The following IGF2BP1 variants were observed in gnomAD, a reference collection of about 807,000 sequenced individuals.
IGF2BP1 encodes the protein insulin like growth factor 2 mRNA binding protein 1.
IGF2BP1 carries 11 observed loss-of-function variants against 74.9 expected under a neutral mutation model. That is an observed-to-expected ratio of 0.15 (90% CI 0.09 to 0.24). IGF2BP1 has a LOEUF of 0.24. IGF2BP1 is among the 10% of genes least tolerant of loss of function. The pLI, the probability that IGF2BP1 is intolerant of heterozygous loss-of-function variation, is 1.00. For missense variants in IGF2BP1, 440 were observed against 757.4 expected (o/e 0.58, Z 4.92); for synonymous variants, 287 against 281.8 (o/e 1.02, Z -0.18).
chr17:49,024,326 A>ATCAC (rs1223945358), intron 2 of IGF2BP1, among the ~76,000 whole-genome samples: 3 of 151,992 alleles, frequency 2.0e-5, no homozygotes, highest in African/African-American at 7.3e-5. Context: ...AGCTGGGAGG[A>ATCAC]TCACTCGATC....
At position 48,997,729 on chromosome 17, in the gene IGF2BP1, G is replaced by A. The variant is rs1488502562; in HGVS notation, c.-17G>A. ...TCGGCCTTGCCCGGGACCGCGTCCT[G>A]CCCCGAGACCGCCACCATGAACAAG... On this transcript the variant is annotated 5_prime_UTR_variant, in exon 1 of 15. Coordinates refer to ENST00000290341, the MANE Select transcript of IGF2BP1 (RefSeq NM_006546.4). This position sits in a 1 kb window ranked among gnomAD's most constrained non-coding sequence, Gnocchi z 4.8. 6.2e-7 allele frequency: 1 copy of A among 1,610,346 alleles called. No individual in the cohort carries two copies. Among genetic ancestry groups the A allele is most frequent in the Admixed American group, 1.7e-5 (1 of 59,778 alleles).
intron 2 of IGF2BP1, chr17:49,004,729 C>G (rs752236652): frequency 6.6e-6 from 1 of 152,146 alleles, no homozygotes; most frequent in Non-Finnish European, 1.5e-5. Context: ...AGCCAGTCTT[C>G]GACTCCATGT....
In IGF2BP1 at chr17:49,025,311, AAAGTGTGT is replaced by A. The variant is rs1459879111; in HGVS notation, c.237-306_237-299del. ...GGAATGAGAAAGTGGTGGGACAAAC[AAAGTGTGT>A]GTGTGTGTGTGTGTGTGTGTGTGTG... On this transcript the variant is annotated intron_variant, in intron 2 of 14. Transcript: ENST00000290341. 7.1e-4 allele frequency among the ~76,000 whole-genome samples: 77 copies of A among 108,818 alleles called. No homozygotes were observed. The South Asian group carries it at 0.011, about 16-fold the overall frequency. 71.4% of individuals were successfully genotyped at this position (108,818 alleles called of 152,430 possible).
chr17:49,024,479 G>T (rs1348744232), intron 2 of IGF2BP1, among the ~76,000 whole-genome samples: 1 of 152,102 alleles, frequency 6.6e-6, no homozygotes, highest in African/African-American at 2.4e-5. Flanking sequence ...AGAGGGGAAG[G>T]TAGTGGCATT....
In IGF2BP1 at chr17:49,021,520, G is replaced by A. The variant is rs1042948283; in HGVS notation, c.237-4098G>A. Among the ~76,000 whole-genome samples the A allele has an allele frequency of 3.9e-5, 6 of 151,992 alleles. No individual in the cohort carries two copies. In the East Asian group the frequency reaches 9.6e-4, roughly 24 times the overall value. ...GGCAAGCTGCCGCCCCCGTCCCCACGTGCCCCACCCCTGGCCCAGGACCTG... is the reference window on the plus strand; with the variant it reads ...GGCAAGCTGCCGCCCCCGTCCCCACATGCCCCACCCCTGGCCCAGGACCTG... On this transcript the variant is annotated intron_variant, in intron 2 of 14. Transcript: ENST00000290341.
rs752184655 is a variant in IGF2BP1, at chr17:49,040,037, C to T, written c.764C>T (p.Ser255Phe). ...CACTCCACCCCTGAGGGCTGCTCCT[C>T]CGCTTGTAAGATGATCTTGGAGATT... ...SVHSTPEGCS[S>F]ACKMILEIMH... is the part of the protein sequence containing the mutation. The change falls in exon 7 of 15, where the codon TCC becomes TTC. Residue 255 changes from serine (S) to phenylalanine (F), a missense_variant. Coordinates refer to ENST00000290341, the MANE Select transcript of IGF2BP1 (RefSeq NM_006546.4). 1.9e-6 allele frequency: 3 copies of T among 1,613,890 alleles called. No homozygotes were observed. In the African/African-American group the frequency reaches 4.0e-5, roughly 22 times the overall value.
At chr17:49,024,172 T>A (rs1489273251) in intron 2 of IGF2BP1, among the ~76,000 whole-genome samples, 3 of 149,702 alleles carry the variant, frequency 2.0e-5, no homozygotes, top group Non-Finnish European at 4.4e-5. Context: ...CTCAAGTGAT[T>A]CGCCTGCCTC....
intron 2 of IGF2BP1, among the ~76,000 whole-genome samples, chr17:49,017,470 A>G (rs2041720167): frequency 6.6e-6 from 1 of 152,212 alleles, no homozygotes; most frequent in Non-Finnish European, 1.5e-5. Context: ...AATTAATTTT[A>G]AAGATAGTTA....
In IGF2BP1 at chr17:49,053,395, G is replaced by A. The variant is rs2042189770; in HGVS notation, c.*3951G>A. 6.5e-6 allele frequency: 1 copy of A among 152,744 alleles called. No individual in the cohort carries two copies. Among genetic ancestry groups the A allele is most frequent in the East Asian group, 1.9e-4 (1 of 5,196 alleles). 9.5% of individuals were successfully genotyped at this position (152,744 alleles called of 1,614,324 possible). ...GCCTCCTGGAAACTGGGAGCTAAGG[G>A]CGAGGCCCTTCCCTTCAGAGGCTCC... On this transcript the variant is annotated 3_prime_UTR_variant, in exon 15 of 15. Coordinates refer to ENST00000290341, the MANE Select transcript of IGF2BP1 (RefSeq NM_006546.4).
At position 49,020,556 on chromosome 17, in the gene IGF2BP1, A is replaced by G. The variant is rs980920802; in HGVS notation, c.237-5062A>G. On this transcript the variant is annotated intron_variant, in intron 2 of 14. Coordinates refer to ENST00000290341, the MANE Select transcript of IGF2BP1 (RefSeq NM_006546.4). ...GCCTGTTTGAATCCAGACTCTTCGC[A>G]CTGTCCCTATGCTGCCTTTTTGATG... 5.9e-5 allele frequency among the ~76,000 whole-genome samples: 9 copies of G among 152,316 alleles called. No homozygotes were observed. In the East Asian group the frequency reaches 1.7e-3, roughly 29 times the overall value.
chr17:49,020,304 G>C, intron 2 of IGF2BP1, among the ~76,000 whole-genome samples: 1 of 151,942 alleles, frequency 6.6e-6, no homozygotes, highest in East Asian at 1.9e-4. Flanking sequence ...GGTCTCCCAG[G>C]GTGCTGGGAT....
intron 2 of IGF2BP1, among the ~76,000 whole-genome samples, chr17:49,019,901 A>AATTTAT (rs1567815568): frequency 1.9e-5 from 1 of 51,440 alleles, no homozygotes; most frequent in Non-Finnish European, 3.5e-5. Flanking sequence ...ACACCTGGCT[A>AATTTAT]ATTTATATAT....
Position 49,043,437 on chromosome 17 carries a change from C to T in IGF2BP1, c.1087C>T (p.His363Tyr). The T allele has an allele frequency of 3.7e-6, 6 of 1,613,998 alleles. No homozygotes were observed. Among genetic ancestry groups the T allele is most frequent in the Non-Finnish European group, 5.1e-6 (6 of 1,179,990 alleles). Residue 363 changes from histidine to tyrosine, a missense_variant, in exon 10 of 15, where the codon CAC becomes TAC. Coordinates refer to ENST00000290341, the MANE Select transcript of IGF2BP1 (RefSeq NM_006546.4). ...CATCTTTCTTCCCCAGCTGCAGTCT[C>T]ACCTGATCCCTGGCCTGAACCTGGC... ...NDVAAMSLQS[H>Y]LIPGLNLAAV...
At chr17:49,027,152 G>A (rs530151251) in intron 4 of IGF2BP1, among the ~76,000 whole-genome samples, 5 of 152,282 alleles carry the variant, frequency 3.3e-5, no homozygotes, top group African/African-American at 9.6e-5. Flanking sequence ...TCCTGGCCTC[G>A]GCTTCGGATC....
chr17:49,034,756 C>CAACA (rs2041966813), intron 5 of IGF2BP1, among the ~76,000 whole-genome samples: 1 of 136,142 alleles, frequency 7.3e-6, no homozygotes, highest in African/African-American at 2.9e-5. Context: ...ACAAAAAAAA[C>CAACA]AAAAAAAACA....
At chr17:49,047,307 G>T (rs1212885478) in intron 14 of IGF2BP1, among the ~76,000 whole-genome samples, 1 of 151,692 alleles carries the variant, frequency 6.6e-6, no homozygotes, top group African/African-American at 2.4e-5. Context: ...TTAACAAGAG[G>T]CTTTAGTTAC....
At chr17:49,016,035 A>G (rs1162774399) in intron 2 of IGF2BP1, among the ~76,000 whole-genome samples, 1 of 152,072 alleles carries the variant, frequency 6.6e-6, no homozygotes, top group South Asian at 2.1e-4. Flanking sequence ...TGCAAGTGAA[A>G]TCCCGTGCCC....
At chr17:49,022,827 A>G (rs1337757163) in intron 2 of IGF2BP1, among the ~76,000 whole-genome samples, 7 of 152,194 alleles carry the variant, frequency 4.6e-5, no homozygotes, top group Admixed American at 4.6e-4. Flanking sequence ...CCATCTTGAA[A>G]GAGCACACTT....
At chr17:49,012,332 G>GATCT (rs2041629608) in intron 2 of IGF2BP1, 1 of 152,234 alleles carries the variant, frequency 6.6e-6, no homozygotes, top group African/African-American at 2.4e-5. Context: ...GTGGAAGAAA[G>GATCT]ATCTGAGTGG....
Sources: gnomAD v4.1 joint callset for allele counts (sites outside exome capture counted in the v4.1 genomes callset) on GRCh38, gnomAD v4.1.1 for gene constraint, Gnocchi (gnomAD v3.1) non-coding constraint, MANE v1.5 for transcripts, NCBI Gene and HGNC (gene_info 2026-07-23, HGNC 2026-07-21) for gene names.